The following BCAP29 variants were observed in gnomAD, a reference collection of about 807,000 sequenced individuals.
BCAP29 encodes B cell receptor associated protein 29, also known as B-cell receptor-associated protein 29.
In BCAP29, 34 loss-of-function variants were observed where a neutral mutation model predicts 31.8. The ratio of observed to expected loss-of-function variants is 1.07; its 90% CI spans 0.81 to 1.42. BCAP29 has a LOEUF of 1.42. Ranked by LOEUF, BCAP29 falls within the 40% of genes most tolerant of loss-of-function variation. BCAP29 has a pLI of 0.00. For synonymous variants in BCAP29, 104 were observed against 91.3 expected (o/e 1.14, Z -0.79); for missense variants, 314 against 269.2 (o/e 1.17, Z -1.16).
Position 107,594,084 on chromosome 7 carries a change from G to A in BCAP29, c.323G>A (p.Gly108Glu). The A allele has an allele frequency of 6.2e-7, 1 of 1,611,404 alleles. No individual in the cohort carries two copies. The highest frequency in any genetic ancestry group is 1.7e-4 in the Middle Eastern group (1 of 6,038). ...FRSQRNLYIS[G>E]FSLFFWLVLR... ...TCTCAAAGAAATCTTTACATTTCTG[G>A]ATTTTCCCTATTTTTTTGGCTGTAA... The change falls in exon 4 of 8, where the codon GGA becomes GAA. Residue 108 changes from glycine (G) to glutamate (E), a missense_variant. By Grantham distance (98) the Gly-to-Glu change is moderately conservative. Transcript: ENST00000005259.
chr7:107,586,862 G>A (rs1807795932), intron 3 of BCAP29, among the ~76,000 whole-genome samples: 1 of 151,250 alleles, frequency 6.6e-6, no homozygotes, highest in Non-Finnish European at 1.5e-5. Context: ...CAAGTAGCTG[G>A]GACTACAGGC....
chr7:107,582,406 T>C (rs1806857896), intron 2 of BCAP29, among the ~76,000 whole-genome samples: 2 of 152,256 alleles, frequency 1.3e-5, no homozygotes, highest in Admixed American at 1.3e-4. Flanking sequence ...CCTATGTGTG[T>C]ATCCACATCT....
At chr7:107,584,071 A>G in intron 3 of BCAP29, 89 bp downstream of exon 3, 1 of 705,846 alleles carries the variant, frequency 1.4e-6, no homozygotes, top group Non-Finnish European at 2.2e-6. Context: ...CAATTGGTGT[A>G]CAGTTGACTT....
At chr7:107,595,700 C>G in intron 4 of BCAP29, 167 bp from the exon 5 acceptor site, 1 of 591,212 alleles carries the variant, frequency 1.7e-6, no homozygotes, top group South Asian at 2.8e-5. Flanking sequence ...AGACACGGGC[C>G]TGTTTTTACT....
chr7:107,622,922 A>G (rs909168675), downstream of BCAP29: 3 of 152,196 alleles, frequency 2.0e-5, no homozygotes, highest in African/African-American at 4.8e-5. Context: ...ACCTGTGTTA[A>G]TACATGCTCC....
downstream of BCAP29, chr7:107,622,623 AAC>A (rs1193934442): frequency 4.6e-5 from 7 of 152,280 alleles, no homozygotes; most frequent in African/African-American, 1.7e-4. Context: ...CTCAGTGATT[AAC>A]ACAGTTCCTG....
In BCAP29 at chr7:107,580,756, T is replaced by C. The variant is rs760798314; in HGVS notation, c.-14-3T>C. The C allele has an allele frequency of 3.2e-6, 5 of 1,576,708 alleles. No homozygotes were observed. Among genetic ancestry groups the C allele is most frequent in the Admixed American group, 3.6e-5 (2 of 55,360 alleles). The stretch of plus-strand genomic sequence containing the variant: ...AAGAGAAAATAAGTGTTTTTCCATT[T>C]AGGTGTGAAGAAAAAAATGACACTC... On this transcript the variant is annotated splice_region_variant and splice_polypyrimidine_tract_variant and intron_variant, in intron 1 of 7. Transcript: ENST00000005259.
At chr7:107,621,718 A>G (rs781374287), downstream of BCAP29, 20 of 472,290 alleles carry the variant, frequency 4.2e-5, no homozygotes, top group South Asian at 2.9e-4. Context: ...CAGCAAAGGA[A>G]TGCTGACAGC....
chr7:107,596,043 TC>T, intron 5 of BCAP29, 41 bp downstream of exon 5: 2 of 1,502,656 alleles, frequency 1.3e-6, no homozygotes. Flanking sequence ...TTGTTGGTGT[TC>T]CCGAGGAGTA....
intron 6 of BCAP29, among the ~76,000 whole-genome samples, chr7:107,607,491 C>T (rs563185290): frequency 1.3e-5 from 2 of 152,162 alleles, no homozygotes; most frequent in Admixed American, 6.5e-5. Flanking sequence ...TCCCATCCCC[C>T]TCCATCCTTT....
downstream of BCAP29, chr7:107,620,653 C>T (rs1015927764): frequency 6.6e-6 from 1 of 152,122 alleles, no homozygotes; most frequent in South Asian, 2.1e-4. Flanking sequence ...AGGTTCTGGT[C>T]TTTAGGAAGT....
chr7:107,595,964 G>C lies in BCAP29; in HGVS notation c.442G>C (p.Ala148Pro). 1 of 1,576,926 alleles carries C rather than the reference G, an allele frequency of 6.3e-7. No homozygotes were observed. The highest frequency in any genetic ancestry group is 8.6e-7 in the Non-Finnish European group (1 of 1,168,670). The stretch of plus-strand genomic sequence containing the variant: ...TCAAGCAGAAAATACTAACAAGGCT[G>C]CCAAAAAATTTATGGAAGAAAACGA... ...KTQAENTNKAAKKFMEENEKL... is the reference protein window; with the variant it reads ...KTQAENTNKAPKKFMEENEKL... The change falls in exon 5 of 8, where the codon GCC becomes CCC. Residue 148 changes from alanine (A) to proline (P), a missense_variant. Coordinates refer to ENST00000005259, the MANE Select transcript of BCAP29 (RefSeq NM_018844.4).
rs375851450 is a variant in BCAP29, at chr7:107,601,929, A to G, written c.589+1424A>G. Among the ~76,000 whole-genome samples the G allele has an allele frequency of 3.7e-4, 57 of 152,258 alleles. 1 individual carries two copies. The highest frequency in any genetic ancestry group is 1.3e-3 in the African/African-American group (53 of 41,558). On this transcript the variant is annotated intron_variant, in intron 6 of 7. Coordinates refer to ENST00000005259, the MANE Select transcript of BCAP29 (RefSeq NM_018844.4). Reference sequence around the variant, plus strand: ...CACTTCTCTTAACCCTGCACAATTGAGTTTCTCCTTTCACCTTTCAAAAAT... The same window carrying G: ...CACTTCTCTTAACCCTGCACAATTGGGTTTCTCCTTTCACCTTTCAAAAAT...
At position 107,598,925 on chromosome 7, in the gene BCAP29, A is replaced by G. The variant is rs1490675031; in HGVS notation, c.481-1472A>G. Among the ~76,000 whole-genome samples the G allele has an allele frequency of 8.6e-5, 11 of 128,392 alleles. 1 individual carries two copies. Among genetic ancestry groups the G allele is most frequent in the African/African-American group, 1.9e-4 (6 of 32,326 alleles). The allele number at this position is 128,392 out of a possible 152,430, so 84.2% of individuals were successfully genotyped here. A position where few individuals can be genotyped will look rare whatever the true frequency, so the allele number is the denominator to read the frequency against. On this transcript the variant is annotated intron_variant, in intron 5 of 7. Coordinates refer to ENST00000005259, the MANE Select transcript of BCAP29 (RefSeq NM_018844.4). ...CACACACACACACACACACACACAC[A>G]CACACACGCACGCACATATATGTGC...
Position 107,596,082 on chromosome 7 carries a change from G to T in BCAP29, c.480+80G>T. The T allele has an allele frequency of 3.2e-6, 4 of 1,239,782 alleles. No individual in the cohort carries two copies. In the South Asian group the frequency reaches 7.4e-5, roughly 23 times the overall value. 76.8% of individuals were successfully genotyped at this position (1,239,782 alleles called of 1,614,324 possible). A position where few individuals can be genotyped will look rare whatever the true frequency, so the allele number is the denominator to read the frequency against. ...GTATTTGTTTTCAGCATCAAAAAGA[G>T]CATTTTTATATTTTATAAGCAGAAA... On this transcript the variant is annotated intron_variant, in intron 5 of 7. Transcript: ENST00000005259.
At chr7:107,622,626 A>T (rs1363155424), downstream of BCAP29, 2 of 152,254 alleles carry the variant, frequency 1.3e-5, no homozygotes, top group African/African-American at 4.8e-5. Flanking sequence ...AGTGATTAAC[A>T]CAGTTCCTGC....
At chr7:107,598,429 T>C (rs1810246246) in intron 5 of BCAP29, among the ~76,000 whole-genome samples, 1 of 152,190 alleles carries the variant, frequency 6.6e-6, no homozygotes, top group Non-Finnish European at 1.5e-5. Flanking sequence ...TTATATAATA[T>C]ATGCATTAGA....
intron 6 of BCAP29, among the ~76,000 whole-genome samples, chr7:107,602,974 T>A (rs1289619060): frequency 7.3e-6 from 1 of 137,024 alleles, no homozygotes; most frequent in African/African-American, 2.8e-5. Flanking sequence ...CTTTTTTTTT[T>A]TTTTTTTTTT....
chr7:107,580,669 C>T, intron 1 of BCAP29, 90 bp from the exon 2 acceptor site: 1 of 839,172 alleles, frequency 1.2e-6, no homozygotes, highest in Non-Finnish European at 1.9e-6. Flanking sequence ...GAACACTGTC[C>T]ATCCCCTGGA....
Sources: gnomAD v4.1 joint callset for allele counts (sites outside exome capture counted in the v4.1 genomes callset) on GRCh38, gnomAD v4.1.1 for gene constraint, MANE v1.5 for transcripts, NCBI Gene and HGNC (gene_info 2026-07-23, HGNC 2026-07-21) for gene names.